The following PI16 variants were observed in gnomAD, a reference collection of about 807,000 sequenced individuals.
The protein encoded by PI16 is peptidase inhibitor 16.
PI16 carries 35 observed loss-of-function variants against 38.0 expected under a neutral mutation model. That is an observed-to-expected ratio of 0.92 (90% CI 0.70 to 1.22). The LOEUF (loss-of-function observed/expected upper bound fraction) is 1.22, where lower values mean the gene tolerates loss of function less well. Ranked by LOEUF, PI16 falls within the 50% of genes most tolerant of loss-of-function variation. The pLI, the probability that PI16 is intolerant of heterozygous loss-of-function variation, is 0.00. For missense variants in PI16, 572 were observed against 593.8 expected (o/e 0.96, Z 0.38); for synonymous variants, 275 against 252.9 (o/e 1.09, Z -0.83).
chr6:36,954,601 C>T, upstream of PI16: 4 of 1,195,270 alleles, frequency 3.3e-6, no homozygotes, highest in Non-Finnish European at 4.6e-6. Flanking sequence ...CTGGTCGGGA[C>T]CCAAAGCGCC....
chr6:36,953,335 C>CAA (rs55778632), upstream of PI16, among the ~76,000 whole-genome samples: 100 of 124,208 alleles, frequency 8.1e-4, no homozygotes, highest in Admixed American at 2.8e-3. Flanking sequence ...GACTCCATCT[C>CAA]AAAAAAAAAA....
intron 1 of PI16, among the ~76,000 whole-genome samples, chr6:36,956,611 G>A (rs796775682): frequency 2.0e-5 from 3 of 152,286 alleles, no homozygotes; most frequent in African/African-American, 7.2e-5. Flanking sequence ...AAATGGCCTG[G>A]GTTCAAATCT....
chr6:36,954,675 C>T (rs1033813689), upstream of PI16: 1 of 1,515,202 alleles, frequency 6.6e-7, no homozygotes, highest in East Asian at 2.3e-5. Flanking sequence ...ACTGCCCCAC[C>T]CCAGCCAGGG....
chr6:36,959,327 C>T lies in PI16; in HGVS notation c.354C>T (p.Ala118=). 1.3e-6 allele frequency: 2 copies of T among 1,571,992 alleles called. No homozygotes were observed. Among genetic ancestry groups the T allele is most frequent in the Non-Finnish European group, 1.7e-6 (2 of 1,158,924 alleles). ...HEREHYNLSA[A]TCSPGQMCGH... is the part of the protein sequence containing the mutation. ...GTGAGCACTACAACCTCAGCGCCGC[C>T]ACCTGCAGCCCAGGCCAGATGTGCG... Residue 118 remains alanine, a synonymous_variant, in exon 2 of 7, where the codon GCC becomes GCT. Transcript: ENST00000373674.
In PI16 at chr6:36,959,175, A is replaced by AGTGCGTGTG; in HGVS notation, c.202_203insGTGCGTGTG (p.Lys68delinsSerAlaCysGlu). The stretch of plus-strand genomic sequence containing the variant: ...GGACGAGGAGCTGGCCGCCTTCGCC[A>AGTGCGTGTG]AGGCCTACGCACGGCAGTGCGTGTG... On this transcript the variant is annotated protein_altering_variant, in exon 2 of 7. Transcript: ENST00000373674. 6.2e-7 allele frequency: 1 copy of AGTGCGTGTG among 1,610,652 alleles called. No homozygotes were observed. The highest frequency in any genetic ancestry group is 8.5e-7 in the Non-Finnish European group (1 of 1,179,156).
At chr6:36,952,955 G>A (rs922733850), upstream of PI16, among the ~76,000 whole-genome samples, 3 of 152,124 alleles carry the variant, frequency 2.0e-5, no homozygotes, top group Non-Finnish European at 2.9e-5. Flanking sequence ...CCATTTATTT[G>A]TGTCTTCTTT....
At chr6:36,958,895 A>C (rs1763272724) in intron 1 of PI16, among the ~76,000 whole-genome samples, 1 of 152,118 alleles carries the variant, frequency 6.6e-6, no homozygotes, top group African/African-American at 2.4e-5. Flanking sequence ...CAGCCCTCTG[A>C]GGGTGCGGAA....
At chr6:36,954,515 C>T (rs1409519810), upstream of PI16, 1 of 503,832 alleles carries the variant, frequency 2.0e-6, no homozygotes, top group Non-Finnish European at 3.5e-6. Context: ...GGAACTCACA[C>T]AGCTTTTGGC....
chr6:36,954,639 C>G (rs898762504), upstream of PI16: 32 of 1,451,030 alleles, frequency 2.2e-5, no homozygotes, highest in South Asian at 3.7e-4. Flanking sequence ...TTGTGTGAGT[C>G]GGGCTGGGCC....
chr6:36,955,155 T>TAATACAATAAGCAGCATAATAAA (rs1763170567), intron 1 of PI16, among the ~76,000 whole-genome samples: 1 of 152,174 alleles, frequency 6.6e-6, no homozygotes, highest in South Asian at 2.1e-4. Context: ...CACAGGCCCC[T>TAATACAATAAGCAGCATAATAAA]ATAAGCAGCC....
Position 36,962,819 on chromosome 6 carries a change from T to C in PI16, c.593-116T>C. 3.6e-6 allele frequency: 3 copies of C among 827,206 alleles called. No individual in the cohort carries two copies. The highest frequency in any genetic ancestry group is 1.8e-5 in the South Asian group (1 of 56,044). 51.2% of individuals were successfully genotyped at this position (827,206 alleles called of 1,614,324 possible). A position where few individuals can be genotyped will look rare whatever the true frequency, so the allele number is the denominator to read the frequency against. The stretch of plus-strand genomic sequence containing the variant: ...GGGGCATATCAGCTGGAGAAGTGTA[T>C]GTGTGTGTTTGTGTGTCCTGGTAGG... On this transcript the variant is annotated intron_variant, in intron 4 of 6. Transcript: ENST00000373674. This position sits in a 1 kb window ranked among gnomAD's most constrained non-coding sequence, Gnocchi z 4.1.
Position 36,963,757 on chromosome 6 carries a change from G to T in PI16, c.1271-66G>T, listed in dbSNP as rs532926084. 47 of 1,535,476 alleles carry T rather than the reference G, an allele frequency of 3.1e-5. 1 individual carries two copies. The South Asian group carries it at 5.2e-4, about 17-fold the overall frequency. Reference sequence around the variant, plus strand: ...GGCTGCTGCCCCACCTCCTTGCATGGTGGGGTGGGCGGGACATCAGGCACA... The same window carrying T: ...GGCTGCTGCCCCACCTCCTTGCATGTTGGGGTGGGCGGGACATCAGGCACA... On this transcript the variant is annotated intron_variant, in intron 5 of 6. Coordinates refer to ENST00000373674, the MANE Select transcript of PI16 (RefSeq NM_153370.3).
rs752108309 is a variant in PI16 at position 36,963,907 on chromosome 6, T to G, written c.1355T>G (p.Leu452Arg). Residue 452 changes from leucine (L) to arginine (R), a missense_variant, in exon 6 of 7, where the codon CTG becomes CGG. Transcript: ENST00000373674. The part of the protein sequence containing the change: ...GHVWGPLLGL[L>R]LLPPLVLAGI... Reference sequence around the variant, plus strand: ...GTGTGGGGCCCTCTCCTGGGACTACTGCTCCTGCCTCCTCTGGTGTTGGCT... The same window carrying G: ...GTGTGGGGCCCTCTCCTGGGACTACGGCTCCTGCCTCCTCTGGTGTTGGCT... 6.2e-7 allele frequency: 1 copy of G among 1,613,832 alleles called. No individual in the cohort carries two copies.
Position 36,963,610 on chromosome 6 carries a change from C to T in PI16, c.1268C>T (p.Pro423Leu), listed in dbSNP as rs138721292. The T allele has an allele frequency of 4.2e-4, 682 of 1,613,062 alleles. 6 individuals carry two copies. The East Asian group carries it at 0.01, about 25-fold the overall frequency. ...GRALALQSSLPGAEGPDKPSV... is the reference protein window; with the variant it reads ...GRALALQSSLLGAEGPDKPSV... ...GCCCTGGCTCTGCAGTCGTCCTTGC[C>T]AGGTAAGGCCCATAGCATCTGTCCC... Residue 423 changes from proline to leucine, a missense_variant and splice_region_variant, in exon 5 of 7, where the codon CCA (proline) becomes CTA (leucine). Physicochemically the swap from Pro to Leu is moderately conservative, Grantham distance 98. Transcript: ENST00000373674.
At chr6:36,950,646 C>T (rs142226723), upstream of PI16, among the ~76,000 whole-genome samples, 41 of 151,922 alleles carry the variant, frequency 2.7e-4, no homozygotes, top group Non-Finnish European at 5.3e-4. This position sits in a 1 kb window ranked among gnomAD's most constrained non-coding sequence, Gnocchi z 4.2. Context: ...TGGGTTCAAG[C>T]GATTCTCCTG....
chr6:36,963,977 G>A lies in PI16; in HGVS notation c.*18+15G>A, dbSNP rs778547754. 4 of 1,595,694 alleles carry A rather than the reference G, an allele frequency of 2.5e-6. No homozygotes were observed. Among genetic ancestry groups the A allele is most frequent in the Admixed American group, 1.8e-5 (1 of 56,916 alleles). On this transcript the variant is annotated intron_variant, in intron 6 of 6. Coordinates refer to ENST00000373674, the MANE Select transcript of PI16 (RefSeq NM_153370.3). ...ACCACTCAAAGGCAAGGCCTGGTGA[G>A]GGGGGCCCTGGCCTCATACCCACCT...
At chr6:36,957,221 C>G (rs1019224069) in intron 1 of PI16, among the ~76,000 whole-genome samples, 17 of 152,196 alleles carry the variant, frequency 1.1e-4, no homozygotes, top group African/African-American at 3.6e-4. Flanking sequence ...ATCCTCCTCT[C>G]CCGCTTGCCC....
chr6:36,951,186 A>G (rs1763094168), upstream of PI16, among the ~76,000 whole-genome samples: 1 of 152,202 alleles, frequency 6.6e-6, no homozygotes, highest in African/African-American at 2.4e-5. Context: ...GACAATGAAT[A>G]ATTGCATGAA....
intron 1 of PI16, among the ~76,000 whole-genome samples, chr6:36,958,753 A>G (rs573892314): frequency 4.6e-5 from 7 of 152,204 alleles, no homozygotes; most frequent in African/African-American, 1.7e-4. Context: ...AACATCGATC[A>G]CACCGTGATC....
Sources: allele counts gnomAD v4.1 joint callset (sites outside exome capture counted in the v4.1 genomes callset), GRCh38; gene constraint gnomAD v4.1.1; non-coding constraint Gnocchi (gnomAD v3.1); transcripts MANE v1.5; gene names NCBI Gene and HGNC (gene_info 2026-07-23, HGNC 2026-07-21).